The following FAM110B variants were observed in gnomAD, a reference collection of about 807,000 sequenced individuals.
The protein encoded by FAM110B is protein FAM110B.
FAM110B carries 6 observed loss-of-function variants against 20.4 expected under a neutral mutation model. The observed-to-expected ratio is 0.29, with a 90% CI of 0.16 to 0.58. The LOEUF is 0.58. Ranked by LOEUF, FAM110B falls within the 20% of genes least tolerant of loss-of-function variation. The pLI, the probability that FAM110B is intolerant of heterozygous loss-of-function variation, is 0.90. For missense variants in FAM110B, 434 were observed against 498.2 expected, an observed-to-expected ratio of 0.87 and a Z score of 1.23; for synonymous variants, 226 against 214.1, an observed-to-expected ratio of 1.06 and a Z score of -0.49.
chr8:58,019,730 C>T (rs1047026838), intron 1 of FAM110B, among the ~76,000 whole-genome samples: 1 of 151,936 alleles, frequency 6.6e-6, no homozygotes, highest in African/African-American at 2.4e-5. Flanking sequence ...TCTTTGTTAC[C>T]TTGTATATAG....
At chr8:58,002,931 G>C (rs1804328263) in intron 1 of FAM110B, among the ~76,000 whole-genome samples, 1 of 152,118 alleles carries the variant, frequency 6.6e-6, no homozygotes, top group Non-Finnish European at 1.5e-5. Flanking sequence ...CAGTAATGAA[G>C]TTTGCTGCAT....
rs1445424477 is a variant in FAM110B at position 58,148,447 on chromosome 8, T to C, written c.*1104T>C. 1 of 167,120 alleles carries C rather than the reference T, an allele frequency of 6.0e-6. No homozygotes were observed. Among genetic ancestry groups the C allele is most frequent in the Non-Finnish European group, 1.5e-5 (1 of 68,134 alleles). 10.4% of individuals were successfully genotyped at this position (167,120 alleles called of 1,614,324 possible). ...TCTTTGTTACAGCTCTAGGAAACTGTAGAAATACAATGCTATGTAGCTTTT... is the reference window on the plus strand; with the variant it reads ...TCTTTGTTACAGCTCTAGGAAACTGCAGAAATACAATGCTATGTAGCTTTT... On this transcript the variant is annotated 3_prime_UTR_variant, in exon 4 of 4. Coordinates refer to ENST00000519262, the MANE Select transcript of FAM110B (RefSeq NM_001377989.1).
In FAM110B at chr8:58,098,315, G is replaced by A. The variant is rs192123760; in HGVS notation, c.-325+22692G>A. On this transcript the variant is annotated intron_variant, in intron 3 of 3. Transcript: ENST00000519262. Reference sequence around the variant, plus strand: ...GGCTGCAGTGGGCTCCACCCAGTTCGAACTTCCTGGCAGCTTTGTTTATGC... The same window carrying A: ...GGCTGCAGTGGGCTCCACCCAGTTCAAACTTCCTGGCAGCTTTGTTTATGC... Among the ~76,000 whole-genome samples the A allele has an allele frequency of 3.6e-3, 552 of 152,306 alleles. 3 individuals carry two copies. Among genetic ancestry groups the A allele is most frequent in the African/African-American group, 0.013 (534 of 41,556 alleles).
At chr8:58,020,862 C>T (rs1804737078) in intron 1 of FAM110B, among the ~76,000 whole-genome samples, 1 of 152,130 alleles carries the variant, frequency 6.6e-6, no homozygotes, top group African/African-American at 2.4e-5. Flanking sequence ...CTCCTTATTA[C>T]TGCGAGTCTC....
intron 3 of FAM110B, among the ~76,000 whole-genome samples, chr8:58,097,991 G>A (rs2150608433): frequency 6.6e-6 from 1 of 152,212 alleles, no homozygotes; most frequent in African/African-American, 2.4e-5. Context: ...GTGAGGTCCT[G>A]ACTGTCCCCC....
At chr8:58,049,573 G>A (rs528551374) in intron 2 of FAM110B, among the ~76,000 whole-genome samples, 104 of 151,984 alleles carry the variant, frequency 6.8e-4, no homozygotes, top group Non-Finnish European at 7.9e-4. Flanking sequence ...TTGACCCCTC[G>A]CCACTGTCAC....
chr8:58,079,101 A>G (rs1806119687), intron 3 of FAM110B, among the ~76,000 whole-genome samples: 1 of 152,096 alleles, frequency 6.6e-6, no homozygotes, highest in Non-Finnish European at 1.5e-5. Flanking sequence ...TCCCCAGATC[A>G]GCTGTTTGCC....
At chr8:58,139,697 G>A (rs1038653424) in intron 3 of FAM110B, among the ~76,000 whole-genome samples, 27 of 152,192 alleles carry the variant, frequency 1.8e-4, no homozygotes, top group African/African-American at 6.3e-4. Flanking sequence ...GGAGGCCGAG[G>A]TGGGTGGATC....
At chr8:58,078,144 C>T (rs1425908008) in intron 3 of FAM110B, among the ~76,000 whole-genome samples, 4 of 152,100 alleles carry the variant, frequency 2.6e-5, no homozygotes, top group African/African-American at 4.8e-5. Flanking sequence ...GCATTATTAT[C>T]GCCATTAAAT....
In FAM110B at chr8:58,134,207, G is replaced by A. The variant is rs1463848280; in HGVS notation, c.-324-11700G>A. Among the ~76,000 whole-genome samples the A allele has an allele frequency of 2.6e-5, 4 of 152,162 alleles. 1 individual carries two copies. Among genetic ancestry groups the A allele is most frequent in the South Asian group, 4.1e-4 (2 of 4,824 alleles). ...CTATACAAAGAACTCTTCAAGAGAT[G>A]GAAAATAATTCTAGGTGTTTTTTGA... On this transcript the variant is annotated intron_variant, in intron 3 of 3. Transcript: ENST00000519262.
intron 2 of FAM110B, among the ~76,000 whole-genome samples, chr8:58,047,455 G>A (rs1285149221): frequency 1.3e-5 from 2 of 152,124 alleles, no homozygotes; most frequent in African/African-American, 2.4e-5. Context: ...TCCTTTAGAA[G>A]TTCCAGAGTA....
chr8:58,041,291 T>C (rs1805214898), intron 2 of FAM110B, among the ~76,000 whole-genome samples: 1 of 152,120 alleles, frequency 6.6e-6, no homozygotes, highest in African/African-American at 2.4e-5. Flanking sequence ...CATATCCAGA[T>C]GAAGGGAGTG....
intron 3 of FAM110B, among the ~76,000 whole-genome samples, chr8:58,114,218 A>G (rs1226168208): frequency 1.3e-5 from 2 of 152,192 alleles, no homozygotes; most frequent in East Asian, 1.9e-4. Context: ...TCTCTTGTCC[A>G]TGGGAAGGGC....
At chr8:58,013,148 G>C (rs1445873837) in intron 1 of FAM110B, among the ~76,000 whole-genome samples, 4 of 152,202 alleles carry the variant, frequency 2.6e-5, no homozygotes, top group Non-Finnish European at 4.4e-5. Flanking sequence ...CTCTAGAACT[G>C]AGGCTGGCTG....
At chr8:58,031,265 A>C (rs1330595426) in intron 1 of FAM110B, 3 of 152,188 alleles carry the variant, frequency 2.0e-5, no homozygotes, top group African/African-American at 4.8e-5. Flanking sequence ...CATTTTCTGC[A>C]TGATTCTGTG....
At chr8:58,127,344 T>C (rs1315585357) in intron 3 of FAM110B, among the ~76,000 whole-genome samples, 1 of 152,240 alleles carries the variant, frequency 6.6e-6, no homozygotes. Flanking sequence ...CCTCATTCTT[T>C]ATTCTTTTAT....
Position 58,044,062 on chromosome 8 carries a change from T to C in FAM110B, c.-414+12359T>C, listed in dbSNP as rs530695970. ...TGGGAGATGTTTGAACCAATGAATA[T>C]GAATACTATTTTTCTGGGCTTAGAT... is the stretch of plus-strand genomic sequence containing the variant. On this transcript the variant is annotated intron_variant, in intron 2 of 3. Transcript: ENST00000519262. Among the ~76,000 whole-genome samples, 3 of 152,362 alleles carry C rather than the reference T, an allele frequency of 2.0e-5. No individual in the cohort carries two copies. The East Asian group carries it at 5.8e-4, about 29-fold the overall frequency.
At chr8:58,038,137 C>T (rs1805126930) in intron 2 of FAM110B, among the ~76,000 whole-genome samples, 1 of 152,190 alleles carries the variant, frequency 6.6e-6, no homozygotes, top group Admixed American at 6.5e-5. Flanking sequence ...GCGTGTGGTC[C>T]TCTCCCTGAG....
At chr8:58,039,009 A>G (rs1377068078) in intron 2 of FAM110B, among the ~76,000 whole-genome samples, 2 of 152,188 alleles carry the variant, frequency 1.3e-5, no homozygotes, top group African/African-American at 4.8e-5. Flanking sequence ...AAGCCACCAG[A>G]GTTGTTATCT....
Sources: gnomAD v4.1 joint callset for allele counts (sites outside exome capture counted in the v4.1 genomes callset) on GRCh38, gnomAD v4.1.1 for gene constraint, MANE v1.5 for transcripts, NCBI Gene and HGNC (gene_info 2026-07-23, HGNC 2026-07-21) for gene names.